Variants in CUX1 observed in about 807,000 individuals in gnomAD.
The protein encoded by CUX1 is cut like homeobox 1, also known as protein CASP.
Under a neutral mutation model 158.8 loss-of-function variants are expected in CUX1, and 31 were observed. That is an observed-to-expected ratio of 0.20 (90% CI 0.15 to 0.26). CUX1 has a LOEUF of 0.26. Among genes scored for constraint, CUX1 ranks in the 10% least tolerant of loss-of-function variants. CUX1 has a pLI of 1.00. For synonymous variants in CUX1, 879 were observed against 862.1 expected, an observed-to-expected ratio of 1.02 and a Z score of -0.34; for missense variants, 1,589 against 2,014.6, an observed-to-expected ratio of 0.79 and a Z score of 4.04.
Position 102,280,222 on chromosome 7 carries a change from C to G in CUX1, c.1764+102C>G. 3 of 712,080 alleles carry G rather than the reference C, an allele frequency of 4.2e-6. No homozygotes were observed. The Admixed American group carries it at 7.3e-5, about 17-fold the overall frequency. The allele number at this position is 712,080 out of a possible 1,614,324, so 44.1% of individuals were successfully genotyped here. On this transcript the variant is annotated intron_variant, in intron 19 of 22. Coordinates refer to the CUX1 transcript ENST00000292538. ...CCCCTATCCCTGAGCACTCGGCCTT[C>G]CCTGGCTCCCCTCCACCTGCCCTTG...
At chr7:102,203,032 T>C (rs1469240553) in intron 18 of CUX1, among the ~76,000 whole-genome samples, 2 of 152,206 alleles carry the variant, frequency 1.3e-5, no homozygotes, top group Non-Finnish European at 2.9e-5. Flanking sequence ...AGTGACGCTA[T>C]CTCGGCTCAC....
At chr7:101,995,737 G>A (rs1263507062) in intron 2 of CUX1, among the ~76,000 whole-genome samples, 1 of 152,228 alleles carries the variant, frequency 6.6e-6, no homozygotes, top group South Asian at 2.1e-4. Context: ...GCACCCTGGT[G>A]AGTGGAGAGT....
At chr7:102,279,327 C>T (rs1791875748) in intron 18 of CUX1, among the ~76,000 whole-genome samples, 1 of 152,082 alleles carries the variant, frequency 6.6e-6, no homozygotes, top group Admixed American at 6.5e-5. Context: ...GGCGACAGAG[C>T]GAAACTCTGT....
In CUX1 at chr7:102,178,519, C is replaced by T. The variant is rs139114802; in HGVS notation, c.879C>T (p.Ala293=). Residue 293 remains alanine (A), a synonymous_variant, in exon 11 of 24, where the codon GCC becomes GCT. Coordinates refer to ENST00000292535, the MANE Select transcript of CUX1 (RefSeq NM_181552.4). The stretch of plus-strand genomic sequence containing the variant: ...GCTCCAGCCTAGAAGTTGAGTTGGC[C>T]GCCAAGGAGCGGGAGATCGCACAGC... The part of the protein sequence containing the change: ...LTRSSLEVEL[A]AKEREIAQLV... The T allele has an allele frequency of 1.9e-5, 30 of 1,612,794 alleles. No homozygotes were observed. The highest frequency in any genetic ancestry group is 2.7e-5 in the African/African-American group (2 of 74,902).
chr7:102,011,006 A>G (rs950082227), intron 2 of CUX1, among the ~76,000 whole-genome samples: 6 of 152,010 alleles, frequency 3.9e-5, no homozygotes, highest in Non-Finnish European at 5.9e-5. Context: ...CCAGCTACTC[A>G]GGAGGCTGAA....
intron 3 of CUX1, among the ~76,000 whole-genome samples, chr7:102,068,963 T>A (rs1471625880): frequency 6.6e-6 from 1 of 152,164 alleles, no homozygotes; most frequent in Non-Finnish European, 1.5e-5. Context: ...GCTCAGTTAG[T>A]CAGTTCACAA....
rs1279501630 is a variant in CUX1 at position 102,195,980 on chromosome 7, AGCCCCGG to A, written c.1222+381_1222+387del. ...TCGCTCTGGTGGTGTTTTCAGGGAC[AGCCCCGG>A]GCCTGCCGGGTCCAGTAGAGGTTTT... On this transcript the variant is annotated intron_variant, in intron 14 of 23. Coordinates refer to ENST00000292535, the MANE Select transcript of CUX1 (RefSeq NM_181552.4). 2.0e-5 allele frequency among the ~76,000 whole-genome samples: 3 copies of A among 152,290 alleles called. No individual in the cohort carries two copies. In the East Asian group the frequency reaches 5.8e-4, roughly 30 times the overall value.
chr7:102,233,996 C>G, intron 21 of CUX1, 56 bp from the exon 22 acceptor site: 2 of 1,373,072 alleles, frequency 1.5e-6, no homozygotes, highest in South Asian at 1.7e-5. Context: ...GTACTTGTCC[C>G]TTCAGATCCC....
chr7:102,003,810 T>C lies in CUX1; in HGVS notation c.142-24288T>C, dbSNP rs901871759. Among the ~76,000 whole-genome samples the C allele has an allele frequency of 4.6e-5, 7 of 152,152 alleles. No homozygotes were observed. In the East Asian group the frequency reaches 1.3e-3, roughly 29 times the overall value. Reference sequence around the variant, plus strand: ...TTAGAATAACATAGGATATTAAATATCACCATCTCCTTGAATACTCATAGT... The same window carrying C: ...TTAGAATAACATAGGATATTAAATACCACCATCTCCTTGAATACTCATAGT... On this transcript the variant is annotated intron_variant, in intron 2 of 23. Coordinates refer to ENST00000292535, the MANE Select transcript of CUX1 (RefSeq NM_181552.4).
intron 1 of CUX1, among the ~76,000 whole-genome samples, chr7:101,853,138 A>G (rs1391935762): frequency 6.6e-6 from 1 of 152,100 alleles, no homozygotes; most frequent in African/African-American, 2.4e-5. Context: ...AATTGCATCC[A>G]CCTGTATATT....
chr7:102,154,022 G>A (rs887511175), intron 8 of CUX1: 2 of 152,290 alleles, frequency 1.3e-5, no homozygotes, highest in South Asian at 4.1e-4. Flanking sequence ...TACATTGCCA[G>A]CTGGGTCTGA....
chr7:101,898,511 T>G (rs1801770767), intron 1 of CUX1, among the ~76,000 whole-genome samples: 1 of 152,110 alleles, frequency 6.6e-6, no homozygotes, highest in Admixed American at 6.5e-5. Flanking sequence ...GGCGGCTTCC[T>G]GTATGTACTT....
intron 1 of CUX1, among the ~76,000 whole-genome samples, chr7:101,843,387 T>C (rs1446743802): frequency 6.6e-6 from 1 of 152,196 alleles, no homozygotes; most frequent in Non-Finnish European, 1.5e-5. Context: ...TGCCATCTTA[T>C]TTTGTGTTTT....
intron 1 of CUX1, among the ~76,000 whole-genome samples, chr7:101,821,924 G>C (rs1178796228): frequency 4.9e-5 from 7 of 141,570 alleles, no homozygotes; most frequent in African/African-American, 1.6e-4. Context: ...GCGCGATCTC[G>C]GCTCACTGCA....
chr7:102,176,064 G>A (rs901496890), intron 10 of CUX1, among the ~76,000 whole-genome samples: 3 of 152,224 alleles, frequency 2.0e-5, no homozygotes, highest in Admixed American at 6.5e-5. Flanking sequence ...CAGCCCCCCA[G>A]GGCCACGCGC....
At chr7:102,195,443 TG>T (rs1342009650) in intron 13 of CUX1, 63 bp from the exon 14 acceptor site, 121 of 1,370,246 alleles carry the variant, frequency 8.8e-5, no homozygotes, top group Non-Finnish European at 9.2e-5. Flanking sequence ...GCTCCAGGCC[TG>T]GTGGCCCCGG....
chr7:101,843,741 C>T (rs930923028), intron 1 of CUX1, among the ~76,000 whole-genome samples: 4 of 152,160 alleles, frequency 2.6e-5, no homozygotes, highest in Admixed American at 1.3e-4. Context: ...CTGTTGAGAT[C>T]GTTTAGATTC....
chr7:102,097,591 C>T (rs1253032320), intron 5 of CUX1, 90 bp downstream of exon 5: 1 of 1,347,268 alleles, frequency 7.4e-7, no homozygotes, highest in Non-Finnish European at 1.0e-6. Context: ...CTTTTGAGAC[C>T]AGCTCTCCTT....
chr7:102,248,655 C>G lies in CUX1; in HGVS notation c.4131C>G (p.Pro1377=), dbSNP rs1256969495. 2.2e-5 allele frequency: 30 copies of G among 1,359,506 alleles called. No individual in the cohort carries two copies. The highest frequency in any genetic ancestry group is 2.6e-5 in the Non-Finnish European group (28 of 1,058,476). 84.2% of individuals were successfully genotyped at this position (1,359,506 alleles called of 1,614,324 possible). A position where few individuals can be genotyped will look rare whatever the true frequency, so the allele number is the denominator to read the frequency against. Residue 1377 remains proline, a synonymous_variant, in exon 24 of 24, where the codon CCC becomes CCG. Coordinates refer to ENST00000292535, the MANE Select transcript of CUX1 (RefSeq NM_181552.4). The surrounding 1 kb of genome is among the most constrained non-coding windows in gnomAD (Gnocchi z 5.8). Reference sequence around the variant, plus strand: ...CGGCGGAGCAGACGGAGCCGCCGCCCTCGGGGACCCCGGGCCCGGACGACG... The same window carrying G: ...CGGCGGAGCAGACGGAGCCGCCGCCGTCGGGGACCCCGGGCCCGGACGACG... ...PRPAEQTEPP[P]SGTPGPDDAR...
Sources: allele counts gnomAD v4.1 joint callset (sites outside exome capture counted in the v4.1 genomes callset), GRCh38; gene constraint gnomAD v4.1.1; non-coding constraint Gnocchi (gnomAD v3.1); transcripts MANE v1.5; gene names NCBI Gene and HGNC (gene_info 2026-07-23, HGNC 2026-07-21).